CA3: variants seen among roughly 807,000 people sequenced by gnomAD.
CA3 encodes CA-III.
CA3 carries 30 observed loss-of-function variants against 35.7 expected under a neutral mutation model. The ratio of observed to expected loss-of-function variants is 0.84; its 90% CI spans 0.63 to 1.14. The LOEUF (loss-of-function observed/expected upper bound fraction) is 1.14. CA3 is among the 50% of genes most tolerant of loss of function. The pLI is 0.00. For missense variants in CA3, 295 were observed against 328.5 expected, an observed-to-expected ratio of 0.90 and a Z score of 0.79; for synonymous variants, 131 against 130.8, an observed-to-expected ratio of 1.00 and a Z score of -0.01.
intron 3 of CA3, among the ~76,000 whole-genome samples, chr8:85,443,416 G>A (rs1811234461): frequency 6.6e-6 from 1 of 152,304 alleles, no homozygotes; most frequent in African/African-American, 2.4e-5. Context: ...AACACACTAT[G>A]AACATGTTCT....
intron 1 of CA3, among the ~76,000 whole-genome samples, chr8:85,439,421 C>G (rs6997572): frequency 0.026 from 3,970 of 152,178 alleles, 185 homozygotes; most frequent in African/African-American, 0.09. Context: ...TATTCCAACT[C>G]TATGATGGAA....
intron 5 of CA3, 108 bp from the exon 6 acceptor site, chr8:85,446,034 C>T: frequency 9.6e-7 from 1 of 1,038,894 alleles, no homozygotes; most frequent in Middle Eastern, 2.8e-4. Context: ...GTTCTATTTT[C>T]TCTATTGCAT....
At chr8:85,447,668 C>T (rs1420053046) in intron 6 of CA3, among the ~76,000 whole-genome samples, 4 of 152,168 alleles carry the variant, frequency 2.6e-5, no homozygotes, top group Admixed American at 6.5e-5. Context: ...GGGTCCAAGG[C>T]GGGTGGATGA....
rs970884599 is a variant in CA3, at chr8:85,448,605, T to C, written c.*452T>C. 1 of 152,250 alleles carries C rather than the reference T, an allele frequency of 6.6e-6. No individual in the cohort carries two copies. Among genetic ancestry groups the C allele is most frequent in the Non-Finnish European group, 1.5e-5 (1 of 68,088 alleles). The allele number at this position is 152,250 out of a possible 1,614,324, so 9.4% of individuals were successfully genotyped here. A position where few individuals can be genotyped will look rare whatever the true frequency, so the allele number is the denominator to read the frequency against. ...GAGGTGTATGAAGATCATATAACAA[T>C]TAAACATAAGCCAGAAATTAAAATG... On this transcript the variant is annotated 3_prime_UTR_variant, in exon 7 of 7. Coordinates refer to ENST00000285381, the MANE Select transcript of CA3 (RefSeq NM_005181.4).
rs1261436789 is a variant in CA3 at position 85,448,371 on chromosome 8, GTAA to G, written c.*223_*225del. On this transcript the variant is annotated 3_prime_UTR_variant, in exon 7 of 7. Transcript: ENST00000285381. ...AGCATAGATTTCACATTTGATCTCT[GTAA>G]TAATCATCTTTCCTATAAAAGTAGC... is the stretch of plus-strand genomic sequence containing the variant. 11 of 352,020 alleles carry G rather than the reference GTAA, an allele frequency of 3.1e-5. No individual in the cohort carries two copies. The East Asian group carries it at 5.0e-4, about 16-fold the overall frequency. The allele number at this position is 352,020 out of a possible 1,614,324, so 21.8% of individuals were successfully genotyped here. A position where few individuals can be genotyped will look rare whatever the true frequency, so the allele number is the denominator to read the frequency against.
intron 6 of CA3, 106 bp from the exon 7 acceptor site, chr8:85,447,920 CAAACAAAA>C: frequency 2.0e-6 from 2 of 1,008,868 alleles, no homozygotes; most frequent in Non-Finnish European, 2.8e-6. Flanking sequence ...AACAAACAAA[CAAACAAAA>C]AAACCAACAA....
chr8:85,442,066 ATC>A lies in CA3; in HGVS notation c.233-6_233-5del. 1 of 1,320,666 alleles carries A rather than the reference ATC, an allele frequency of 7.6e-7. No homozygotes were observed. Among genetic ancestry groups the A allele is most frequent in the Non-Finnish European group, 1.1e-6 (1 of 912,248 alleles). 81.8% of individuals were successfully genotyped at this position (1,320,666 alleles called of 1,614,324 possible). A position where few individuals can be genotyped will look rare whatever the true frequency, so the allele number is the denominator to read the frequency against. ...TTCACTGTTGACCAAGCTTATCTGAATCACAGTGCTGAGAGGGGGTCCTCTCC... is the reference window on the plus strand; with the variant it reads ...TTCACTGTTGACCAAGCTTATCTGAAACAGTGCTGAGAGGGGGTCCTCTCC... On this transcript the variant is annotated splice_polypyrimidine_tract_variant and splice_region_variant and intron_variant, in intron 2 of 6. Coordinates refer to ENST00000285381, the MANE Select transcript of CA3 (RefSeq NM_005181.4).
chr8:85,447,114 G>T (rs922173445), intron 6 of CA3, among the ~76,000 whole-genome samples: 1 of 151,264 alleles, frequency 6.6e-6, no homozygotes. Flanking sequence ...TAAAAGATCA[G>T]ATATAACAAC....
intron 1 of CA3, among the ~76,000 whole-genome samples, chr8:85,439,489 C>A (rs913466475): frequency 2.0e-5 from 3 of 152,202 alleles, no homozygotes; most frequent in Non-Finnish European, 2.9e-5. Context: ...AGCCTTTGAG[C>A]AGGCAGAGTG....
Position 85,444,027 on chromosome 8 carries a change from G to C in CA3, c.352-7G>C, listed in dbSNP as rs771500522. ...TTTACCTTCTAATCTGTCTTCTATG[G>C]TTTCAGCTTCATTTGGTTCACTGGA... On this transcript the variant is annotated splice_region_variant and splice_polypyrimidine_tract_variant and intron_variant, in intron 3 of 6. Transcript: ENST00000285381. 1.9e-6 allele frequency: 3 copies of C among 1,591,798 alleles called. No homozygotes were observed. The highest frequency in any genetic ancestry group is 3.3e-5 in the Admixed American group (2 of 59,968).
At position 85,445,166 on chromosome 8, in the gene CA3, A is replaced by G. The variant is rs1405729308; in HGVS notation, c.455A>G (p.Glu152Gly). 3 of 1,605,314 alleles carry G rather than the reference A, an allele frequency of 1.9e-6. No individual in the cohort carries two copies. In the African/African-American group the frequency reaches 4.0e-5, roughly 21 times the overall value. The change falls in exon 5 of 7, where the codon GAG becomes GGG. Residue 152 changes from glutamate to glycine, a missense_variant. Transcript: ENST00000285381. ...TCTGTTTTCTTACAGATAGGACATG[A>G]GAATGGCGAGTTCCAGATTTTCCTT... ...VIGIFLKIGH[E>G]NGEFQIFLDA...
At position 85,442,155 on chromosome 8, in the gene CA3, T is replaced by C; in HGVS notation, c.315T>C (p.Ser105=). Residue 105 remains serine, a synonymous_variant, in exon 3 of 7, where the codon TCT becomes TCC. Transcript: ENST00000285381. ...LHWGSSDDHG[S]EHTVDGVKYA... is the part of the protein sequence containing the mutation. Reference sequence around the variant, plus strand: ...GGGGCTCTTCGGATGATCATGGCTCTGAGCACACCGTGGATGGAGTCAAGT... The same window carrying C: ...GGGGCTCTTCGGATGATCATGGCTCCGAGCACACCGTGGATGGAGTCAAGT... 1 of 1,608,338 alleles carries C rather than the reference T, an allele frequency of 6.2e-7. No individual in the cohort carries two copies. Among genetic ancestry groups the C allele is most frequent in the South Asian group, 1.1e-5 (1 of 90,956 alleles).
Position 85,448,184 on chromosome 8 carries a change from GAAACC to G in CA3, c.*32_*36del. 1 of 1,599,364 alleles carries G rather than the reference GAAACC, an allele frequency of 6.3e-7. No individual in the cohort carries two copies. The highest frequency in any genetic ancestry group is 1.1e-5 in the South Asian group (1 of 87,928). ...CTGGATCTTGCCCTCTTCAGGAAAG[GAAACC>G]TACCATTGGAGAGCTTGGTTCCTTG... On this transcript the variant is annotated 3_prime_UTR_variant, in exon 7 of 7. Transcript: ENST00000285381.
chr8:85,446,279 G>T lies in CA3; in HGVS notation c.645G>T (p.Met215Ile). 1.2e-6 allele frequency: 2 copies of T among 1,613,780 alleles called. No individual in the cohort carries two copies. The highest frequency in any genetic ancestry group is 1.1e-5 in the South Asian group (1 of 91,006). The change falls in exon 6 of 7, where the codon ATG (methionine) becomes ATT (isoleucine). Residue 215 changes from methionine (M) to isoleucine (I), a missense_variant. Coordinates refer to ENST00000285381, the MANE Select transcript of CA3 (RefSeq NM_005181.4). ...TGTGGCTGCTGCTGAAGGAGCCCATGACCGTGAGCTCTGACCAGGTGAGCA... is the reference window on the plus strand; with the variant it reads ...TGTGGCTGCTGCTGAAGGAGCCCATTACCGTGAGCTCTGACCAGGTGAGCA... Reference protein sequence around the residue: ...CIVWLLLKEPMTVSSDQMAKL... With the variant: ...CIVWLLLKEPITVSSDQMAKL...
chr8:85,447,318 A>G (rs1424907012), intron 6 of CA3, among the ~76,000 whole-genome samples: 1 of 152,210 alleles, frequency 6.6e-6, no homozygotes, highest in Non-Finnish European at 1.5e-5. Context: ...AATTGACTCC[A>G]TAAACTTATA....
Position 85,439,097 on chromosome 8 carries a change from C to T in CA3, c.34+154C>T, listed in dbSNP as rs112279675. On this transcript the variant is annotated intron_variant, in intron 1 of 6. Coordinates refer to ENST00000285381, the MANE Select transcript of CA3 (RefSeq NM_005181.4). ...ACTGAGGCTTTTCAACTGCCAAATGCTGCTGCTTCTTTTTTTCCTTCATCT... is the reference window on the plus strand; with the variant it reads ...ACTGAGGCTTTTCAACTGCCAAATGTTGCTGCTTCTTTTTTTCCTTCATCT... Among the ~76,000 whole-genome samples the T allele has an allele frequency of 4.4e-3, 676 of 152,352 alleles. 6 individuals carry two copies. Among genetic ancestry groups the T allele is most frequent in the African/African-American group, 0.015 (637 of 41,574 alleles).
Position 85,444,025 on chromosome 8 carries a change from T to C in CA3, c.352-9T>C. The C allele has an allele frequency of 6.3e-7, 1 of 1,582,550 alleles. No individual in the cohort carries two copies. The highest frequency in any genetic ancestry group is 8.7e-7 in the Non-Finnish European group (1 of 1,151,248). ...AATTTACCTTCTAATCTGTCTTCTA[T>C]GGTTTCAGCTTCATTTGGTTCACTG... On this transcript the variant is annotated splice_polypyrimidine_tract_variant and intron_variant, in intron 3 of 6. Coordinates refer to ENST00000285381, the MANE Select transcript of CA3 (RefSeq NM_005181.4).
Position 85,441,793 on chromosome 8 carries a change from T to C in CA3, c.233-280T>C, listed in dbSNP as rs189607030. ...TGGGTGTATGCATCCTCATTGTCTA[T>C]CTGTTGTTTTAATTTTGCTTTCCTA... On this transcript the variant is annotated intron_variant, in intron 2 of 6. Transcript: ENST00000285381. 3.7e-4 allele frequency: 141 copies of C among 385,724 alleles called. 1 individual carries two copies. The East Asian group carries it at 7.3e-3, about 20-fold the overall frequency. 23.9% of individuals were successfully genotyped at this position (385,724 alleles called of 1,614,324 possible). A position where few individuals can be genotyped will look rare whatever the true frequency, so the allele number is the denominator to read the frequency against.
intron 1 of CA3, 33 bp downstream of exon 1, chr8:85,438,976 G>A: frequency 6.4e-7 from 1 of 1,550,456 alleles, no homozygotes; most frequent in South Asian, 1.2e-5. Flanking sequence ...CGGCCAGGAA[G>A]GGATGCCAGT....
Sources: gnomAD v4.1 joint callset for allele counts (sites outside exome capture counted in the v4.1 genomes callset) on GRCh38, gnomAD v4.1.1 for gene constraint, MANE v1.5 for transcripts, NCBI Gene and HGNC (gene_info 2026-07-23, HGNC 2026-07-21) for gene names.